The following FHIT variants were observed in gnomAD, a reference collection of about 807,000 sequenced individuals.
The protein encoded by FHIT is fragile histidine triad diadenosine triphosphatase.
In FHIT, 19 loss-of-function variants were observed where a neutral mutation model predicts 17.9. The ratio of observed to expected loss-of-function variants is 1.06; its 90% confidence interval spans 0.74 to 1.56. FHIT has a LOEUF of 1.56. Ranked by LOEUF, FHIT falls within the 40% of genes most tolerant of loss-of-function variation. The probability of loss-of-function intolerance (pLI) is 0.00; values close to 1 mark genes in which losing one functional copy is unlikely to be tolerated. For synonymous variants in FHIT, 81 were observed against 69.7 expected (o/e 1.16, Z -0.81); for missense variants, 248 against 189.2 (o/e 1.31, Z -1.82).
intron 3 of FHIT, among the ~76,000 whole-genome samples, chr3:60,947,869 T>C (rs1474542500): frequency 2.0e-5 from 3 of 152,206 alleles, no homozygotes; most frequent in African/African-American, 7.2e-5. Context: ...TTGCATTTGA[T>C]TGGAAATAAA....
At chr3:61,044,046 T>A (rs1212331811) in intron 2 of FHIT, among the ~76,000 whole-genome samples, 1 of 152,148 alleles carries the variant, frequency 6.6e-6, no homozygotes, top group African/African-American at 2.4e-5. Flanking sequence ...GTAGAAAAGC[T>A]GAAAATTCTA....
At chr3:60,126,876 G>A (rs1293422614) in intron 5 of FHIT, among the ~76,000 whole-genome samples, 1 of 152,154 alleles carries the variant, frequency 6.6e-6, no homozygotes, top group Non-Finnish European at 1.5e-5. Flanking sequence ...CTCACCAACT[G>A]GCTTGTGAGT....
intron 5 of FHIT, among the ~76,000 whole-genome samples, chr3:60,485,569 A>G (rs963408377): frequency 6.6e-6 from 1 of 151,754 alleles, no homozygotes; most frequent in Admixed American, 6.6e-5. Flanking sequence ...ACCAAACACC[A>G]CATGTTCTCA....
At chr3:60,736,293 C>T (rs569040905) in intron 4 of FHIT, among the ~76,000 whole-genome samples, 1 of 152,196 alleles carries the variant, frequency 6.6e-6, no homozygotes, top group South Asian at 2.1e-4. Flanking sequence ...TAGGTATATA[C>T]CTCTGAGGAA....
At chr3:59,816,142 C>T (rs953510462) in intron 8 of FHIT, among the ~76,000 whole-genome samples, 4 of 152,188 alleles carry the variant, frequency 2.6e-5, no homozygotes, top group Admixed American at 6.5e-5. Context: ...ACAGCCAAGA[C>T]TGAATAACTG....
At chr3:60,349,763 T>G (rs567701595) in intron 5 of FHIT, among the ~76,000 whole-genome samples, 37 of 152,320 alleles carry the variant, frequency 2.4e-4, no homozygotes, top group Non-Finnish European at 4.1e-4. Context: ...AAATCACAAT[T>G]TTAAAAATGT....
chr3:61,245,665 A>T (rs548355164), intron 1 of FHIT, among the ~76,000 whole-genome samples: 8 of 152,320 alleles, frequency 5.3e-5, no homozygotes, highest in African/African-American at 1.9e-4. Flanking sequence ...CATTATCCAT[A>T]ATGCATCCAT....
At chr3:60,285,715 G>A (rs1242153426) in intron 5 of FHIT, among the ~76,000 whole-genome samples, 5 of 152,150 alleles carry the variant, frequency 3.3e-5, no homozygotes, top group Non-Finnish European at 7.4e-5. Context: ...GGTGTTGGCT[G>A]CCAGCTGAGA....
At chr3:60,588,881 G>T (rs1156786888) in intron 4 of FHIT, among the ~76,000 whole-genome samples, 1 of 152,018 alleles carries the variant, frequency 6.6e-6, no homozygotes, top group East Asian at 1.9e-4. Flanking sequence ...GTTGCTTATG[G>T]AAGTCAGAAG....
intron 3 of FHIT, among the ~76,000 whole-genome samples, chr3:60,964,165 G>A (rs1219197211): frequency 6.6e-6 from 1 of 152,070 alleles, no homozygotes; most frequent in Non-Finnish European, 1.5e-5. Context: ...TTGTTGAATT[G>A]ATCCCTTTAC....
At chr3:60,205,968 T>TA (rs1246782154) in intron 5 of FHIT, among the ~76,000 whole-genome samples, 2 of 148,596 alleles carry the variant, frequency 1.3e-5, no homozygotes, top group East Asian at 4.0e-4. Flanking sequence ...TAAAAAAAAA[T>TA]AAAAAAATAA....
At chr3:60,138,788 C>G (rs192168538) in intron 5 of FHIT, among the ~76,000 whole-genome samples, 1 of 152,182 alleles carries the variant, frequency 6.6e-6, no homozygotes, top group Non-Finnish European at 1.5e-5. Context: ...CGAGGAGTAC[C>G]ACTACTTCTG....
chr3:60,830,262 G>A (rs890628447), intron 3 of FHIT, among the ~76,000 whole-genome samples: 1 of 152,060 alleles, frequency 6.6e-6, no homozygotes, highest in African/African-American at 2.4e-5. Context: ...GGACCATAAA[G>A]GGTAAAGAGA....
chr3:61,015,274 G>A (rs1048049641), intron 3 of FHIT, among the ~76,000 whole-genome samples: 1 of 152,080 alleles, frequency 6.6e-6, no homozygotes, highest in African/African-American at 2.4e-5. Flanking sequence ...TTCGAAGGGG[G>A]ATTTTTTTTT....
intron 8 of FHIT, among the ~76,000 whole-genome samples, chr3:59,775,777 A>G (rs1400873721): frequency 1.3e-5 from 2 of 152,186 alleles, no homozygotes; most frequent in East Asian, 1.9e-4. Context: ...ACTGATTAGC[A>G]TAATTCTTAA....
intron 5 of FHIT, among the ~76,000 whole-genome samples, chr3:60,448,280 A>G (rs984947367): frequency 6.6e-6 from 1 of 152,176 alleles, no homozygotes; most frequent in African/African-American, 2.4e-5. Flanking sequence ...CACACATCCT[A>G]ACCAATTAAT....
intron 2 of FHIT, among the ~76,000 whole-genome samples, chr3:61,157,836 T>C (rs1164927094): frequency 3.9e-5 from 6 of 152,102 alleles, no homozygotes; most frequent in Admixed American, 2.0e-4. Flanking sequence ...TAGGAGTACA[T>C]ATAAAACTTA....
intron 3 of FHIT, among the ~76,000 whole-genome samples, chr3:60,909,775 G>T (rs1706631532): frequency 6.6e-6 from 1 of 152,138 alleles, no homozygotes; most frequent in Non-Finnish European, 1.5e-5. Context: ...ACATACAAGG[G>T]AGAGGCTCCT....
At chr3:60,335,240 T>C (rs1710178219) in intron 5 of FHIT, among the ~76,000 whole-genome samples, 1 of 152,154 alleles carries the variant, frequency 6.6e-6, no homozygotes, top group Admixed American at 6.5e-5. Context: ...TCCTATAAAC[T>C]TAAAATTTAA....
Sources: allele counts gnomAD v4.1 joint callset (sites outside exome capture counted in the v4.1 genomes callset), GRCh38; gene constraint gnomAD v4.1.1; transcripts MANE v1.5; gene names NCBI Gene and HGNC (gene_info 2026-07-23, HGNC 2026-07-21).